PNO1: variants seen among roughly 807,000 people sequenced by gnomAD.
PNO1 encodes the protein RNA-binding protein PNO1.
In PNO1, 16 loss-of-function variants were observed where a neutral mutation model predicts 28.4. The ratio of observed to expected loss-of-function variants is 0.56; its 90% CI spans 0.38 to 0.85. The LOEUF (loss-of-function observed/expected upper bound fraction) is 0.85, where lower values mean the gene tolerates loss of function less well. Ranked by LOEUF, PNO1 falls within the 40% of genes least tolerant of loss-of-function variation. PNO1 has a pLI of 0.00. For missense variants in PNO1, 304 were observed against 312.2 expected (o/e 0.97, Z 0.20); for synonymous variants, 115 against 110.8 (o/e 1.04, Z -0.24).
intron 2 of PNO1, 194 bp from the exon 3 acceptor site, chr2:68,161,489 G>A (rs1307969576): frequency 9.4e-5 from 53 of 561,436 alleles, no homozygotes; most frequent in Non-Finnish European, 3.2e-6. Flanking sequence ...AAGCTTTGGA[G>A]CTGGGAACGT....
In PNO1 at chr2:68,158,357, G is replaced by T. The variant is rs749563527; in HGVS notation, c.208-23G>T. On this transcript the variant is annotated intron_variant, in intron 1 of 6. Coordinates refer to ENST00000263657, the MANE Select transcript of PNO1 (RefSeq NM_020143.4). ...TCACCGTCCCTCCATAGCCTTCTGA[G>T]TTGTGTGTTCTTTTATTTACAGAGT... 1.9e-6 allele frequency: 3 copies of T among 1,601,056 alleles called. No individual in the cohort carries two copies. The African/African-American group carries it at 4.0e-5, about 22-fold the overall frequency.
chr2:68,159,028 C>T (rs1198258099), intron 2 of PNO1, among the ~76,000 whole-genome samples: 2 of 151,978 alleles, frequency 1.3e-5, no homozygotes, highest in Non-Finnish European at 2.9e-5. Flanking sequence ...ACCAAATGTC[C>T]CAGCACCATT....
At chr2:68,164,243 A>G (rs910965145) in intron 5 of PNO1, among the ~76,000 whole-genome samples, 1 of 152,164 alleles carries the variant, frequency 6.6e-6, no homozygotes, top group South Asian at 2.1e-4. Context: ...TAATCCCAGC[A>G]CTTTGGAAGG....
intron 5 of PNO1, 199 bp from the exon 6 acceptor site, chr2:68,173,148 G>A: frequency 3.7e-6 from 1 of 267,950 alleles, no homozygotes; most frequent in East Asian, 5.7e-5. Context: ...TTGGCATGTT[G>A]CACTCTACAG....
intron 5 of PNO1, among the ~76,000 whole-genome samples, chr2:68,171,693 A>G (rs1037595270): frequency 5.9e-5 from 9 of 152,188 alleles, no homozygotes; most frequent in African/African-American, 2.2e-4. Flanking sequence ...AGGAGGCTTG[A>G]CCAAGGATGA....
intron 5 of PNO1, among the ~76,000 whole-genome samples, chr2:68,168,832 C>T (rs1461390788): frequency 1.3e-5 from 2 of 151,576 alleles, no homozygotes; most frequent in African/African-American, 2.4e-5. Context: ...TTACAATGGT[C>T]CTATGGTATA....
At chr2:68,168,085 C>G (rs1433289396) in intron 5 of PNO1, among the ~76,000 whole-genome samples, 1 of 152,168 alleles carries the variant, frequency 6.6e-6, no homozygotes, top group Non-Finnish European at 1.5e-5. Flanking sequence ...AAAGTATAGC[C>G]TTCAGCAGAG....
chr2:68,166,823 C>G (rs751762026), intron 5 of PNO1, among the ~76,000 whole-genome samples: 22 of 152,174 alleles, frequency 1.4e-4, no homozygotes, highest in Non-Finnish European at 3.1e-4. Context: ...CCTCATCACC[C>G]GGCACTGCTT....
Position 68,157,971 on chromosome 2 carries a change from G to T in PNO1, c.37G>T (p.Glu13Ter). Residue 13 changes from glutamate (E) to a stop codon, truncating the protein, a stop_gained, in exon 1 of 7, where the codon GAG becomes TAG. Coordinates refer to ENST00000263657, the MANE Select transcript of PNO1 (RefSeq NM_020143.4). LOFTEE classifies it high-confidence loss of function. ...SEMETQSARAEEGFTQVTRKG... is the reference protein window; with the variant it reads ...SEMETQSARA Reference sequence around the variant, plus strand: ...AATGGAAACGCAGAGCGCCAGGGCAGAGGAGGGCTTTACCCAGGTCACCCG... The same window carrying T: ...AATGGAAACGCAGAGCGCCAGGGCATAGGAGGGCTTTACCCAGGTCACCCG... The T allele has an allele frequency of 6.2e-7, 1 of 1,614,140 alleles. No homozygotes were observed. The highest frequency in any genetic ancestry group is 8.5e-7 in the Non-Finnish European group (1 of 1,180,030).
At chr2:68,161,407 G>C in intron 2 of PNO1, 1 of 456,120 alleles carries the variant, frequency 2.2e-6, no homozygotes, top group East Asian at 5.2e-5. Flanking sequence ...TGCCAGAGGA[G>C]TCTTGCTGTT....
intron 5 of PNO1, among the ~76,000 whole-genome samples, chr2:68,170,747 CAAAAAAAAAA>C (rs767088135): frequency 1.6e-4 from 10 of 61,098 alleles, no homozygotes; most frequent in Admixed American, 4.3e-4. Flanking sequence ...GACTCCGTCT[CAAAAAAAAAA>C]AAAAAAAAAA....
In PNO1 at chr2:68,175,535, AC is replaced by A. The variant is rs1674255125; in HGVS notation, c.*734del. On this transcript the variant is annotated 3_prime_UTR_variant, in exon 7 of 7. Coordinates refer to ENST00000263657, the MANE Select transcript of PNO1 (RefSeq NM_020143.4). ...CTCAGCCTCCCAAAGTGCTGGGATT[AC>A]AGGCATAAGCCACTGCGCCTGGCCT... 1 of 152,548 alleles carries A rather than the reference AC, an allele frequency of 6.6e-6. No homozygotes were observed. The highest frequency in any genetic ancestry group is 1.5e-5 in the Non-Finnish European group (1 of 68,320). The allele number at this position is 152,548 out of a possible 1,614,324, so 9.4% of individuals were successfully genotyped here.
Position 68,174,931 on chromosome 2 carries a change from C to T in PNO1, c.*129C>T. On this transcript the variant is annotated 3_prime_UTR_variant, in exon 7 of 7. Coordinates refer to ENST00000263657, the MANE Select transcript of PNO1 (RefSeq NM_020143.4). ...CTCCGTCCCTTCTTCCATTCTCAGC[C>T]AGAAGCATAAACAGAAAAGAAAGAT... The T allele has an allele frequency of 1.8e-6, 1 of 550,618 alleles. No homozygotes were observed. Among genetic ancestry groups the T allele is most frequent in the Non-Finnish European group, 3.3e-6 (1 of 304,150 alleles). The allele number at this position is 550,618 out of a possible 1,614,324, so 34.1% of individuals were successfully genotyped here.
chr2:68,165,465 G>C (rs963880241), intron 5 of PNO1, among the ~76,000 whole-genome samples: 1 of 144,426 alleles, frequency 6.9e-6, no homozygotes, highest in African/African-American at 2.6e-5. Flanking sequence ...AGAATTGCTT[G>C]AACCTGGGAG....
At chr2:68,168,025 A>C (rs892013501) in intron 5 of PNO1, among the ~76,000 whole-genome samples, 4 of 152,216 alleles carry the variant, frequency 2.6e-5, no homozygotes, top group African/African-American at 7.2e-5. Context: ...AGGAAACTTT[A>C]TTTCTTAGAA....
At chr2:68,174,288 GTTTTTTTTTT>G (rs34323809) in intron 6 of PNO1, among the ~76,000 whole-genome samples, 1 of 106,800 alleles carries the variant, frequency 9.4e-6, no homozygotes, top group Non-Finnish European at 1.8e-5. Flanking sequence ...TTCTGTTAAG[GTTTTTTTTTT>G]TTTTTTTTTT....
At chr2:68,166,004 A>G (rs1051394968) in intron 5 of PNO1, among the ~76,000 whole-genome samples, 6 of 152,182 alleles carry the variant, frequency 3.9e-5, no homozygotes, top group African/African-American at 1.2e-4. Context: ...TGGGACAACC[A>G]TTGCTCTTGT....
intron 2 of PNO1, among the ~76,000 whole-genome samples, chr2:68,160,164 T>C (rs1401731031): frequency 1.3e-5 from 2 of 151,772 alleles, no homozygotes; most frequent in Admixed American, 1.3e-4. Flanking sequence ...AGAGACAGGG[T>C]TTCACCGTGT....
intron 5 of PNO1, among the ~76,000 whole-genome samples, chr2:68,163,585 T>TACA (rs1558619274): frequency 3.5e-5 from 5 of 144,900 alleles, no homozygotes; most frequent in African/African-American, 1.3e-4. Context: ...ACATACATAC[T>TACA]TACTCAAGGG....
Sources: allele counts gnomAD v4.1 joint callset (sites outside exome capture counted in the v4.1 genomes callset), GRCh38; gene constraint gnomAD v4.1.1; transcripts MANE v1.5; gene names NCBI Gene and HGNC (gene_info 2026-07-23, HGNC 2026-07-21).